Variants in PHF24 observed in about 807,000 individuals in gnomAD.
PHF24 encodes Galpha inhibitory interacting protein.
A neutral mutation model predicts 42.6 loss-of-function variants in PHF24; 25 were observed. The ratio of observed to expected loss-of-function variants is 0.59; its 90% confidence interval spans 0.43 to 0.82. The LOEUF (loss-of-function observed/expected upper bound fraction) is 0.82, where lower values mean the gene tolerates loss of function less well. PHF24 is among the 40% of genes least tolerant of loss of function. The pLI, the probability that PHF24 is intolerant of heterozygous loss-of-function variation, is 0.00. For missense variants in PHF24, 470 were observed against 538.1 expected (o/e 0.87, Z 1.25); for synonymous variants, 185 against 204.8 (o/e 0.90, Z 0.83).
At chr9:34,941,779 A>G in the PHF24 span, among the ~76,000 whole-genome samples, 2 of 152,112 alleles carry the variant, frequency 1.3e-5, no homozygotes, top group African/African-American at 2.4e-5. Context: ...GGCCCCTTTT[A>G]TAAGGACATT....
chr9:34,956,117 T>C (rs1826364651), upstream of PHF24, among the ~76,000 whole-genome samples: 1 of 152,202 alleles, frequency 6.6e-6, no homozygotes, highest in South Asian at 2.1e-4. Flanking sequence ...ACTGATTTTC[T>C]CTTTTGTATT....
chr9:34,939,063 G>A, the PHF24 span, among the ~76,000 whole-genome samples: 23 of 151,978 alleles, frequency 1.5e-4, no homozygotes, highest in Admixed American at 8.5e-4. Context: ...GGTGGATCAC[G>A]TGAAGCCAGG....
the PHF24 span, among the ~76,000 whole-genome samples, chr9:34,923,928 A>G: frequency 6.6e-6 from 1 of 150,826 alleles, no homozygotes; most frequent in Non-Finnish European, 1.5e-5. Flanking sequence ...ACTTTTTTTG[A>G]TGTAGGCACT....
the PHF24 span, among the ~76,000 whole-genome samples, chr9:34,773,897 A>G: frequency 6.6e-6 from 1 of 152,198 alleles, no homozygotes; most frequent in East Asian, 1.9e-4. Context: ...GGGGTCCTGG[A>G]TGGGATCCAG....
At chr9:34,766,661 C>T in the PHF24 span, among the ~76,000 whole-genome samples, 10 of 152,324 alleles carry the variant, frequency 6.6e-5, no homozygotes, top group South Asian at 2.1e-4. Flanking sequence ...TCCTGTAGCT[C>T]GGAGTAGTTT....
the PHF24 span, among the ~76,000 whole-genome samples, chr9:34,841,007 T>G: frequency 1.3e-5 from 2 of 151,914 alleles, no homozygotes; most frequent in Non-Finnish European, 2.9e-5. Flanking sequence ...TTATTTTATT[T>G]TTTATTTTTT....
the PHF24 span, among the ~76,000 whole-genome samples, chr9:34,813,230 C>G: frequency 6.6e-6 from 1 of 152,114 alleles, no homozygotes; most frequent in Non-Finnish European, 1.5e-5. Context: ...CCTCTGCTTG[C>G]CTTTATAAAT....
the PHF24 span, among the ~76,000 whole-genome samples, chr9:34,763,515 C>A: frequency 6.6e-6 from 1 of 152,000 alleles, no homozygotes; most frequent in South Asian, 2.1e-4. Context: ...TATTGGTATA[C>A]AAGAATGCTT....
chr9:34,895,036 T>C, the PHF24 span: 2 of 398,532 alleles, frequency 5.0e-6, no homozygotes, highest in Non-Finnish European at 8.8e-6. Context: ...ACTGGGACTT[T>C]ACCTCTTGAT....
chr9:34,718,330 C>A, the PHF24 span, among the ~76,000 whole-genome samples: 1 of 152,200 alleles, frequency 6.6e-6, no homozygotes, highest in Non-Finnish European at 1.5e-5. Context: ...TCCCAGGCCC[C>A]CCTCTCCCTC....
chr9:34,943,875 A>G, the PHF24 span, among the ~76,000 whole-genome samples: 1 of 152,164 alleles, frequency 6.6e-6, no homozygotes, highest in Non-Finnish European at 1.5e-5. Context: ...CTCTCCTACT[A>G]TCAGCCCCTG....
chr9:34,918,591 G>T, the PHF24 span, among the ~76,000 whole-genome samples: 1 of 152,132 alleles, frequency 6.6e-6, no homozygotes, highest in African/African-American at 2.4e-5. Flanking sequence ...TTTAGAGACA[G>T]AGGAAGAAAA....
At chr9:34,667,260 A>G in the PHF24 span, among the ~76,000 whole-genome samples, 2 of 152,080 alleles carry the variant, frequency 1.3e-5, no homozygotes, top group African/African-American at 4.8e-5. Context: ...AGTGGGGTGA[A>G]AGTTTCCTCT....
the PHF24 span, among the ~76,000 whole-genome samples, chr9:34,735,894 A>G: frequency 6.6e-6 from 1 of 152,168 alleles, no homozygotes; most frequent in Admixed American, 6.5e-5. Context: ...TTAAGGAACT[A>G]TGTTTGATAT....
At chr9:34,710,864 C>T in the PHF24 span, among the ~76,000 whole-genome samples, 14 of 152,276 alleles carry the variant, frequency 9.2e-5, no homozygotes, top group South Asian at 2.5e-3. Context: ...TCAAGCGATC[C>T]TCCTGCCTTG....
At chr9:34,978,371 C>A in exon 8 of PHF24, 1 of 505,588 alleles carries the variant, frequency 2.0e-6, no homozygotes, top group Non-Finnish European at 3.6e-6. Flanking sequence ...ATAGACGGGA[C>A]CTGCCACCAC....
chr9:34,870,892 T>C, the PHF24 span, among the ~76,000 whole-genome samples: 1 of 152,226 alleles, frequency 6.6e-6, no homozygotes, highest in Non-Finnish European at 1.5e-5. Context: ...TTGGAAATCA[T>C]GAGTAAAGCT....
the PHF24 span, chr9:34,729,273 C>T: frequency 9.0e-6 from 14 of 1,551,126 alleles, no homozygotes; most frequent in Non-Finnish European, 1.2e-5. Context: ...CAGTTGGGAT[C>T]ACAGCCCTAC....
chr9:34,845,198 C>T, the PHF24 span, among the ~76,000 whole-genome samples: 1 of 152,124 alleles, frequency 6.6e-6, no homozygotes, highest in East Asian at 1.9e-4. Flanking sequence ...CTTTCACTTT[C>T]AATTTCTATG....
Sources: gnomAD v4.1 joint callset for allele counts (sites outside exome capture counted in the v4.1 genomes callset) on GRCh38, gnomAD v4.1.1 for gene constraint, MANE v1.5 for transcripts, NCBI Gene and HGNC (gene_info 2026-07-23, HGNC 2026-07-21) for gene names.